Variants in PRTG observed in about 807,000 individuals in gnomAD.
The protein encoded by PRTG is protogenin.
Under a neutral mutation model 122.5 loss-of-function variants are expected in PRTG, and 67 were observed. That is an observed-to-expected ratio of 0.55 (90% CI 0.45 to 0.67). PRTG has a LOEUF of 0.67. Among genes scored for constraint, PRTG ranks in the 30% least tolerant of loss-of-function variants. The probability of loss-of-function intolerance (pLI) is 0.00; values close to 1 mark genes in which losing one functional copy is unlikely to be tolerated. For missense variants in PRTG, 1,435 were observed against 1,415.4 expected, an observed-to-expected ratio of 1.01 and a Z score of -0.22; for synonymous variants, 554 against 501.1, an observed-to-expected ratio of 1.11 and a Z score of -1.41.
chr15:55,649,088 C>A (rs1246851214), intron 11 of PRTG, among the ~76,000 whole-genome samples: 24 of 136,364 alleles, frequency 1.8e-4, no homozygotes, highest in African/African-American at 2.8e-4. Flanking sequence ...GACTCCGTCT[C>A]AAAAAAAAAA....
rs1241579084 is a variant in PRTG, at chr15:55,634,101, C to A, written c.2623+3069G>T. Among the ~76,000 whole-genome samples the A allele has an allele frequency of 2.6e-5, 3 of 115,272 alleles. No homozygotes were observed. In the South Asian group the frequency reaches 8.7e-4, roughly 33 times the overall value. 75.6% of individuals were successfully genotyped at this position (115,272 alleles called of 152,430 possible). A position where few individuals can be genotyped will look rare whatever the true frequency, so the allele number is the denominator to read the frequency against. On this transcript the variant is annotated intron_variant, in intron 15 of 19. Coordinates refer to ENST00000389286, the MANE Select transcript of PRTG (RefSeq NM_173814.6). ...TTTTTTTTTGAGATGGTGTTTCACT[C>A]TTGTTGACCAGGCTGGAGTGCAATG...
At chr15:55,631,388 A>G (rs1367111718) in intron 15 of PRTG, among the ~76,000 whole-genome samples, 1 of 152,346 alleles carries the variant, frequency 6.6e-6, no homozygotes, top group Non-Finnish European at 1.5e-5. Flanking sequence ...AATCACTACC[A>G]GAAACTAAGT....
chr15:55,629,717 G>A lies in PRTG; in HGVS notation c.2624-713C>T, dbSNP rs565194655. Among the ~76,000 whole-genome samples, 52 of 151,832 alleles carry A rather than the reference G, an allele frequency of 3.4e-4. 2 individuals are homozygous for A. In the South Asian group the frequency reaches 0.011, roughly 31 times the overall value. ...AATGCAAGAATCTTTTTTTAATTGG[G>A]AGTGTTTATGGTAATAGCTGTGACA... On this transcript the variant is annotated intron_variant, in intron 15 of 19. Transcript: ENST00000389286.
chr15:55,639,085 T>C (rs116689371), intron 13 of PRTG, among the ~76,000 whole-genome samples: 2,214 of 152,246 alleles, frequency 0.015, 55 homozygotes, highest in African/African-American at 0.047. Flanking sequence ...AATTCTCCTG[T>C]GTTAGCTTCC....
chr15:55,615,402 G>A lies in PRTG; in HGVS notation c.*4610C>T, dbSNP rs990767003. On this transcript the variant is annotated 3_prime_UTR_variant, in exon 20 of 20. Coordinates refer to ENST00000389286, the MANE Select transcript of PRTG (RefSeq NM_173814.6). ...CATGTTAATCTTAAACACCATCAAC[G>A]GCTTAAAAAGGGAAATTGAGAAGAT... 7 of 152,012 alleles carry A rather than the reference G, an allele frequency of 4.6e-5. No individual in the cohort carries two copies. Among genetic ancestry groups the A allele is most frequent in the African/African-American group, 9.7e-5 (4 of 41,392 alleles). 9.4% of individuals were successfully genotyped at this position (152,012 alleles called of 1,614,324 possible).
intron 17 of PRTG, among the ~76,000 whole-genome samples, chr15:55,626,137 C>T (rs1017506163): frequency 3.9e-5 from 6 of 152,052 alleles, no homozygotes; most frequent in Admixed American, 1.3e-4. Context: ...GATACTAGGC[C>T]GGGCGCGGTG....
chr15:55,733,930 A>T (rs1407672678), intron 2 of PRTG, among the ~76,000 whole-genome samples: 1 of 152,262 alleles, frequency 6.6e-6, no homozygotes, highest in African/African-American at 2.4e-5. Context: ...ATCAAGGATA[A>T]GATAGAAACA....
At chr15:55,701,189 A>G (rs2059661372) in intron 2 of PRTG, among the ~76,000 whole-genome samples, 1 of 152,174 alleles carries the variant, frequency 6.6e-6, no homozygotes, top group African/African-American at 2.4e-5. Flanking sequence ...AACTGGTACT[A>G]TCACTTTGGA....
chr15:55,645,794 G>A (rs1033577454), intron 11 of PRTG, among the ~76,000 whole-genome samples: 3 of 152,028 alleles, frequency 2.0e-5, no homozygotes, highest in African/African-American at 7.2e-5. Context: ...GCACTGCCAC[G>A]TATGTAGTGC....
intron 11 of PRTG, among the ~76,000 whole-genome samples, chr15:55,647,472 G>A (rs1208063580): frequency 6.6e-6 from 1 of 152,110 alleles, no homozygotes; most frequent in African/African-American, 2.4e-5. Context: ...CTATCTGTAG[G>A]TATTATTTAC....
At position 55,738,503 on chromosome 15, in the gene PRTG, AAAGAT is replaced by A. The variant is rs201463846; in HGVS notation, c.397+1874_397+1878del. ...CTCCACTATGTACTCCCTATCCCTG[AAAGAT>A]AAGATAAGTTACAGTTCCTGAAGAT... On this transcript the variant is annotated intron_variant, in intron 2 of 19. Coordinates refer to ENST00000389286, the MANE Select transcript of PRTG (RefSeq NM_173814.6). 3.2e-3 allele frequency: 2,237 copies of A among 701,418 alleles called. 37 individuals are homozygous for A. The East Asian group carries it at 0.038, about 12-fold the overall frequency. 43.4% of individuals were successfully genotyped at this position (701,418 alleles called of 1,614,324 possible).
Position 55,677,882 on chromosome 15 carries a change from G to T in PRTG, c.1296C>A (p.Ser432Arg). 1 of 1,613,762 alleles carries T rather than the reference G, an allele frequency of 6.2e-7. No homozygotes were observed. The highest frequency in any genetic ancestry group is 8.5e-7 in the Non-Finnish European group (1 of 1,179,760). The change falls in exon 8 of 20, where the codon AGC becomes AGA. Residue 432 changes from serine (S) to arginine (R), a missense_variant. Ser to Arg is a moderately radical substitution (Grantham distance 110). Coordinates refer to ENST00000389286, the MANE Select transcript of PRTG (RefSeq NM_173814.6). The part of the protein sequence containing the change: ...PYNVHAETMS[S>R]SAILLAWERP... Reference sequence around the variant, plus strand: ...TCTCCCAGGCTAAAAGAATGGCTGAGCTTGACATGGTTTCAGCATGTACAT... The same window carrying T: ...TCTCCCAGGCTAAAAGAATGGCTGATCTTGACATGGTTTCAGCATGTACAT...
At chr15:55,630,275 C>T (rs1195229233) in intron 15 of PRTG, among the ~76,000 whole-genome samples, 3 of 152,136 alleles carry the variant, frequency 2.0e-5, no homozygotes, top group Admixed American at 2.0e-4. Flanking sequence ...CATGAGCCAC[C>T]ACGCCCGGCC....
chr15:55,689,855 G>A (rs1015566479), intron 2 of PRTG, among the ~76,000 whole-genome samples: 8 of 151,794 alleles, frequency 5.3e-5, no homozygotes. Flanking sequence ...GTGAACCCAG[G>A]AGGTGGAGCT....
chr15:55,645,303 G>A (rs554827515), intron 11 of PRTG, among the ~76,000 whole-genome samples: 6 of 148,898 alleles, frequency 4.0e-5, no homozygotes, highest in East Asian at 2.0e-4. Flanking sequence ...GCATGGTGGC[G>A]CGTGCCTGTA....
intron 2 of PRTG, among the ~76,000 whole-genome samples, chr15:55,708,973 C>G (rs112289311): frequency 8.6e-5 from 13 of 151,496 alleles, no homozygotes; most frequent in African/African-American, 3.1e-4. Flanking sequence ...GGTGAAAAGC[C>G]GTCTCTATTA....
rs570309340 is a variant in PRTG, at chr15:55,735,264, T to C, written c.397+5118A>G. Among the ~76,000 whole-genome samples the C allele has an allele frequency of 3.3e-4, 51 of 152,278 alleles. 1 individual carries two copies. The highest frequency in any genetic ancestry group is 7.2e-4 in the Admixed American group (11 of 15,294). The stretch of plus-strand genomic sequence containing the variant: ...ACATTCTTTTTCATATAAATGGTAA[T>C]TATCAGTTTAAATGCTTTAAATAAT... On this transcript the variant is annotated intron_variant, in intron 2 of 19. Coordinates refer to ENST00000389286, the MANE Select transcript of PRTG (RefSeq NM_173814.6).
At chr15:55,695,490 C>A (rs1273043881) in intron 2 of PRTG, among the ~76,000 whole-genome samples, 1 of 152,148 alleles carries the variant, frequency 6.6e-6, no homozygotes, top group Non-Finnish European at 1.5e-5. Flanking sequence ...AAACGGTGGT[C>A]CTAACACTGC....
chr15:55,739,664 C>A (rs1300578814), intron 2 of PRTG, among the ~76,000 whole-genome samples: 1 of 152,086 alleles, frequency 6.6e-6, no homozygotes, highest in Non-Finnish European at 1.5e-5. Flanking sequence ...TTACACGCAA[C>A]AGTTACAGGT....
Sources: gnomAD v4.1 joint callset for allele counts (sites outside exome capture counted in the v4.1 genomes callset) on GRCh38, gnomAD v4.1.1 for gene constraint, MANE v1.5 for transcripts, NCBI Gene and HGNC (gene_info 2026-07-23, HGNC 2026-07-21) for gene names.